NEK10: variants seen among roughly 807,000 people sequenced by gnomAD.
The protein encoded by NEK10 is NIMA related kinase 10.
In NEK10, 122 loss-of-function variants were observed where a neutral mutation model predicts 159.8. That is an observed-to-expected ratio of 0.76 (90% CI 0.66 to 0.89). The LOEUF (loss-of-function observed/expected upper bound fraction) is 0.89, where lower values mean the gene tolerates loss of function less well. NEK10 is among the 40% of genes least tolerant of loss of function. The pLI, the probability that NEK10 is intolerant of heterozygous loss-of-function variation, is 0.00. For missense variants in NEK10, 1,342 were observed against 1,323.1 expected (o/e 1.01, Z -0.22); for synonymous variants, 466 against 457.1 (o/e 1.02, Z -0.25).
chr3:27,236,825 T>A (rs918565252), intron 23 of NEK10, among the ~76,000 whole-genome samples: 4 of 152,160 alleles, frequency 2.6e-5, no homozygotes, highest in African/African-American at 9.7e-5. Flanking sequence ...GCACATATTG[T>A]CTTGATAAAC....
chr3:27,165,275 A>G (rs1946375979), intron 29 of NEK10, among the ~76,000 whole-genome samples: 1 of 152,232 alleles, frequency 6.6e-6, no homozygotes, highest in South Asian at 2.1e-4. Flanking sequence ...CTGAAATTTC[A>G]AAATAGAACA....
chr3:27,125,039 G>C (rs1474262287), intron 32 of NEK10, among the ~76,000 whole-genome samples: 1 of 152,048 alleles, frequency 6.6e-6, no homozygotes, highest in Non-Finnish European at 1.5e-5. Flanking sequence ...CTCCTGCTCT[G>C]AATAGACACC....
rs1403409612 is a variant in NEK10 at position 27,331,245 on chromosome 3, AAAAAAC to A, written c.363-8990_363-8985del. 1.1e-3 allele frequency among the ~76,000 whole-genome samples: 143 copies of A among 127,128 alleles called. 4 individuals are homozygous for A. The highest frequency in any genetic ancestry group is 1.6e-3 in the Non-Finnish European group (89 of 57,106). 83.4% of individuals were successfully genotyped at this position (127,128 alleles called of 152,430 possible). On this transcript the variant is annotated intron_variant, in intron 5 of 35. Coordinates refer to ENST00000691995, the MANE Select transcript of NEK10 (RefSeq NM_001394966.1). The stretch of plus-strand genomic sequence containing the variant: ...AAAGTAAGACTCTGTCTCAAAAAAA[AAAAAAC>A]AAAAAAAAAAAACACACAAACCTAA...
chr3:27,231,658 G>C (rs1325278409), intron 23 of NEK10, among the ~76,000 whole-genome samples: 3 of 151,858 alleles, frequency 2.0e-5, no homozygotes, highest in Non-Finnish European at 4.4e-5. Flanking sequence ...AATGAAACTG[G>C]AGACATTACA....
intron 23 of NEK10, among the ~76,000 whole-genome samples, chr3:27,230,943 T>A (rs567896631): frequency 1.3e-5 from 2 of 151,906 alleles, no homozygotes; most frequent in Middle Eastern, 3.4e-3. Flanking sequence ...ATACTCCCAA[T>A]AGACAGATCA....
intron 11 of NEK10, among the ~76,000 whole-genome samples, chr3:27,305,520 T>C (rs1404434419): frequency 1.3e-5 from 2 of 151,744 alleles, no homozygotes; most frequent in Non-Finnish European, 2.9e-5. Context: ...AGCGAGACTC[T>C]GTTTAAAAAA....
At chr3:27,352,092 A>T (rs1412901438) in intron 3 of NEK10, among the ~76,000 whole-genome samples, 6 of 152,124 alleles carry the variant, frequency 3.9e-5, no homozygotes, top group Non-Finnish European at 8.8e-5. Context: ...GTAAGGGGGA[A>T]GGAGGAGAAA....
chr3:27,162,326 G>A, intron 30 of NEK10: 1 of 1,427,500 alleles, frequency 7.0e-7, no homozygotes, highest in African/African-American at 1.4e-5. Flanking sequence ...TAATAATGGT[G>A]AACAAACAAG....
intron 5 of NEK10, among the ~76,000 whole-genome samples, chr3:27,332,189 A>C (rs9827953): frequency 0.019 from 2,916 of 152,312 alleles, 50 homozygotes; most frequent in East Asian, 0.063. Flanking sequence ...GTAAATTATG[A>C]AACCAAGATG....
intron 26 of NEK10, among the ~76,000 whole-genome samples, chr3:27,185,888 C>T (rs1948572688): frequency 6.6e-6 from 1 of 152,044 alleles, no homozygotes; most frequent in Admixed American, 6.6e-5. Context: ...TGATATAATG[C>T]AAGATACTGA....
intron 5 of NEK10, among the ~76,000 whole-genome samples, chr3:27,329,699 C>T (rs552253064): frequency 2.8e-4 from 42 of 152,298 alleles, no homozygotes; most frequent in South Asian, 1.0e-3. Context: ...CCCTGGTGCA[C>T]ACCTAAAACA....
intron 22 of NEK10, among the ~76,000 whole-genome samples, chr3:27,257,523 A>T (rs1956329054): frequency 6.6e-6 from 1 of 152,222 alleles, no homozygotes; most frequent in Admixed American, 6.5e-5. Context: ...TCATTTCAAA[A>T]TAATAAAAAT....
At chr3:27,247,551 T>C (rs1032149064) in intron 23 of NEK10, among the ~76,000 whole-genome samples, 3 of 151,902 alleles carry the variant, frequency 2.0e-5, no homozygotes, top group Admixed American at 6.6e-5. Context: ...TTTTATTTTA[T>C]TTTTTTGAGA....
chr3:27,179,538 T>C (rs1049542506), intron 26 of NEK10, among the ~76,000 whole-genome samples: 2 of 152,184 alleles, frequency 1.3e-5, no homozygotes, highest in African/African-American at 2.4e-5. Context: ...GGATTTTCTA[T>C]CACTTTTAAC....
intron 5 of NEK10, among the ~76,000 whole-genome samples, chr3:27,332,690 T>C (rs1419102832): frequency 6.6e-6 from 1 of 152,218 alleles, no homozygotes; most frequent in Non-Finnish European, 1.5e-5. Context: ...GAAGCAGATA[T>C]ACACAAGAGA....
At chr3:27,265,434 C>T (rs992325433) in intron 22 of NEK10, 1 of 152,200 alleles carries the variant, frequency 6.6e-6, no homozygotes, top group Non-Finnish European at 1.5e-5. Context: ...TCCCCATCAG[C>T]ATTTAATGTT....
intron 30 of NEK10, among the ~76,000 whole-genome samples, chr3:27,155,431 G>T (rs1401691310): frequency 2.0e-5 from 3 of 151,854 alleles, no homozygotes; most frequent in Non-Finnish European, 4.4e-5. Flanking sequence ...GAACCCGGGA[G>T]GCGGAGGTTG....
At chr3:27,327,934 TA>T (rs34833708) in intron 5 of NEK10, among the ~76,000 whole-genome samples, 60,950 of 146,914 alleles carry the variant, frequency 0.41, 13,112 homozygotes, top group East Asian at 0.74. Context: ...ATGCAAAACT[TA>T]AAAAAAAAAA....
At chr3:27,247,820 C>CTTTTTTTTTTT (rs111440414) in intron 23 of NEK10, among the ~76,000 whole-genome samples, 45 of 125,788 alleles carry the variant, frequency 3.6e-4, no homozygotes, top group Middle Eastern at 4.0e-3. Context: ...CTTTTCTTTT[C>CTTTTTTTTTTT]TTTTTTTTTT....
Sources: gnomAD v4.1 joint callset for allele counts (sites outside exome capture counted in the v4.1 genomes callset) on GRCh38, gnomAD v4.1.1 for gene constraint, MANE v1.5 for transcripts, NCBI Gene and HGNC (gene_info 2026-07-23, HGNC 2026-07-21) for gene names.